Variants in RFC3 observed in about 807,000 individuals in gnomAD.
The protein encoded by RFC3 is A1 38 kDa subunit.
A neutral mutation model predicts 45.1 loss-of-function variants in RFC3; 41 were observed. That is an observed-to-expected ratio of 0.91 (90% CI 0.71 to 1.18). The LOEUF is 1.18. RFC3 is among the 50% of genes most tolerant of loss of function. The pLI, the probability that RFC3 is intolerant of heterozygous loss-of-function variation, is 0.00. For missense variants in RFC3, 423 were observed against 428.1 expected (o/e 0.99, Z 0.10); for synonymous variants, 149 against 144.0 (o/e 1.03, Z -0.25).
rs1240957146 is a variant in RFC3 at position 33,925,499 on chromosome 13, TATAC to T, written c.880-40576_880-40573del. Among the ~76,000 whole-genome samples the T allele has an allele frequency of 1.8e-3, 250 of 141,268 alleles. 8 individuals are homozygous for T. The highest frequency in any genetic ancestry group is 6.3e-3 in the African/African-American group (231 of 36,946). 92.7% of individuals were successfully genotyped at this position (141,268 alleles called of 152,430 possible). ...ATATACATACATACATAGTGTACTA[TATAC>T]ATACATACATAGTGTACTATATACA... On this transcript the variant is annotated intron_variant, in intron 8 of 8. Transcript: ENST00000434425.
exon 9 of RFC3, chr13:33,966,190 C>G (rs1015654048): frequency 8.1e-7 from 1 of 1,233,812 alleles, no homozygotes; most frequent in Non-Finnish European, 1.2e-6. Flanking sequence ...TGAAGTTTTG[C>G]AAATATAATC....
chr13:33,839,681 C>T (rs1174740587), downstream of RFC3, among the ~76,000 whole-genome samples: 1 of 152,140 alleles, frequency 6.6e-6, no homozygotes, highest in Non-Finnish European at 1.5e-5. Context: ...TAGAAGTAGC[C>T]ATCCACTGAT....
chr13:33,828,805 C>A (rs2082075416), intron 4 of RFC3, among the ~76,000 whole-genome samples: 1 of 152,156 alleles, frequency 6.6e-6, no homozygotes, highest in South Asian at 2.1e-4. Flanking sequence ...GGATTACAGG[C>A]AGATTACAGG....
At chr13:33,829,522 T>G (rs2139403581) in intron 4 of RFC3, 1 of 277,292 alleles carries the variant, frequency 3.6e-6, no homozygotes, top group African/African-American at 2.3e-5. Flanking sequence ...TTATAGATTC[T>G]TTTCTTTTTT....
intron 4 of RFC3, 40 bp from the exon 5 acceptor site, chr13:33,829,796 G>C (rs1468581947): frequency 2.0e-6 from 3 of 1,516,214 alleles, no homozygotes; most frequent in Non-Finnish European, 1.8e-6. Flanking sequence ...AAGTTTGAGT[G>C]AACTCAAGTT....
downstream of RFC3, among the ~76,000 whole-genome samples, chr13:33,840,757 A>G (rs1012469730): frequency 6.6e-5 from 10 of 152,096 alleles, no homozygotes; most frequent in Non-Finnish European, 2.9e-5. Flanking sequence ...GGAAAAATGC[A>G]TAACCTAGAA....
chr13:33,946,972 C>T (rs1045140900), intron 8 of RFC3, among the ~76,000 whole-genome samples: 1 of 152,158 alleles, frequency 6.6e-6, no homozygotes. Flanking sequence ...GGAAAGTATA[C>T]GTTCATCAAG....
intron 8 of RFC3, among the ~76,000 whole-genome samples, chr13:33,869,027 G>C (rs1351648027): frequency 6.6e-6 from 1 of 152,236 alleles, no homozygotes; most frequent in Non-Finnish European, 1.5e-5. Flanking sequence ...GCAGTGGCTA[G>C]TGTCAGAATC....
intron 8 of RFC3, among the ~76,000 whole-genome samples, chr13:33,844,770 G>A (rs1389059680): frequency 6.6e-6 from 1 of 151,932 alleles, no homozygotes; most frequent in Non-Finnish European, 1.5e-5. Flanking sequence ...ATTTTTGATA[G>A]GTTCATCTTT....
At chr13:33,972,950 G>A in the RFC3 span, among the ~76,000 whole-genome samples, 1 of 152,134 alleles carries the variant, frequency 6.6e-6, no homozygotes, top group Non-Finnish European at 1.5e-5. Flanking sequence ...AATCGCCACA[G>A]TGATTTCTGG....
At chr13:33,898,629 TTAG>T (rs1448535809) in intron 8 of RFC3, among the ~76,000 whole-genome samples, 1 of 151,550 alleles carries the variant, frequency 6.6e-6, no homozygotes, top group Non-Finnish European at 1.5e-5. Context: ...AAATCTGAAA[TTAG>T]TAGATGAAAA....
intron 8 of RFC3, among the ~76,000 whole-genome samples, chr13:33,931,994 T>C (rs2082855504): frequency 6.6e-6 from 1 of 152,156 alleles, no homozygotes; most frequent in South Asian, 2.1e-4. Flanking sequence ...TGTGTGTGTG[T>C]GTTTGTATTC....
intron 8 of RFC3, among the ~76,000 whole-genome samples, chr13:33,881,099 C>G (rs576343973): frequency 6.6e-6 from 1 of 152,064 alleles, no homozygotes; most frequent in African/African-American, 2.4e-5. Context: ...AATCAGAACT[C>G]TATGGGTTAA....
At chr13:33,824,234 C>T (rs1482169311) in intron 3 of RFC3, among the ~76,000 whole-genome samples, 1 of 152,102 alleles carries the variant, frequency 6.6e-6, no homozygotes, top group Non-Finnish European at 1.5e-5. Context: ...TTGATGTACA[C>T]ACAGTACATT....
At position 33,869,394 on chromosome 13, in the gene RFC3, A is replaced by T. The variant is rs936756162; in HGVS notation, c.879+34177A>T. ...GAGAGATGTATAAAAAACTGTGTAG[A>T]TTTTTTTTTTTAGGGGTAGGGGGCA... On this transcript the variant is annotated intron_variant, in intron 8 of 8. Coordinates refer to the RFC3 transcript ENST00000434425. Among the ~76,000 whole-genome samples the T allele has an allele frequency of 4.3e-4, 64 of 148,562 alleles. 1 individual carries two copies. Among genetic ancestry groups the T allele is most frequent in the Admixed American group, 2.1e-3 (31 of 14,966 alleles).
chr13:33,970,769 G>A (rs2083106429), downstream of RFC3, among the ~76,000 whole-genome samples: 1 of 152,240 alleles, frequency 6.6e-6, no homozygotes, highest in South Asian at 2.1e-4. Context: ...TGGTCCTGCT[G>A]AGCGCATACA....
chr13:33,857,006 G>T (rs1278550612), intron 8 of RFC3, among the ~76,000 whole-genome samples: 1 of 152,148 alleles, frequency 6.6e-6, no homozygotes, highest in Non-Finnish European at 1.5e-5. Flanking sequence ...TATTTGTTTT[G>T]TAAGTGGACT....
chr13:33,822,693 A>G (rs931278620), intron 2 of RFC3, among the ~76,000 whole-genome samples: 1 of 152,208 alleles, frequency 6.6e-6, no homozygotes, highest in Admixed American at 6.5e-5. Flanking sequence ...TCCCTATGAC[A>G]TACAATTTAT....
intron 3 of RFC3, among the ~76,000 whole-genome samples, chr13:33,824,308 A>AT (rs1190467101): frequency 6.6e-6 from 1 of 152,140 alleles, no homozygotes; most frequent in African/African-American, 2.4e-5. Context: ...AGTGTGTCTA[A>AT]AAAGTTTACA....
Sources: allele counts gnomAD v4.1 joint callset (sites outside exome capture counted in the v4.1 genomes callset), GRCh38; gene constraint gnomAD v4.1.1; transcripts MANE v1.5; gene names NCBI Gene and HGNC (gene_info 2026-07-23, HGNC 2026-07-21).